Variants in EXOC2 observed in about 807,000 individuals in gnomAD.
The protein encoded by EXOC2 is SEC5-like 1.
In EXOC2, 70 loss-of-function variants were observed where a neutral mutation model predicts 131.8. The ratio of observed to expected loss-of-function variants is 0.53; its 90% confidence interval spans 0.44 to 0.65. The LOEUF is 0.65. EXOC2 is among the 30% of genes least tolerant of loss of function. The pLI, the probability that EXOC2 is intolerant of heterozygous loss-of-function variation, is 0.00. For synonymous variants in EXOC2, 411 were observed against 398.4 expected, an observed-to-expected ratio of 1.03 and a Z score of -0.38; for missense variants, 923 against 1,108.6, an observed-to-expected ratio of 0.83 and a Z score of 2.38.
chr6:563,119 C>T (rs1355546969), intron 16 of EXOC2, among the ~76,000 whole-genome samples: 1 of 152,222 alleles, frequency 6.6e-6, no homozygotes, highest in Non-Finnish European at 1.5e-5. Flanking sequence ...CAACTTGAGA[C>T]AATCATTTAT....
intron 1 of EXOC2, among the ~76,000 whole-genome samples, chr6:662,240 G>A (rs532219725): frequency 6.6e-6 from 1 of 152,124 alleles, no homozygotes; most frequent in Admixed American, 6.6e-5. Context: ...GCACTAGACT[G>A]GTCATCAAGA....
At chr6:627,807 T>A (rs1761656272) in intron 4 of EXOC2, among the ~76,000 whole-genome samples, 1 of 152,258 alleles carries the variant, frequency 6.6e-6, no homozygotes, top group African/African-American at 2.4e-5. Flanking sequence ...TTTTCAAAAA[T>A]TATCCTTTAA....
chr6:528,809 C>T (rs1765896895), intron 23 of EXOC2, among the ~76,000 whole-genome samples: 1 of 152,212 alleles, frequency 6.6e-6, no homozygotes, highest in African/African-American at 2.4e-5. Flanking sequence ...GATCCTAATT[C>T]ACAACCGAGG....
At chr6:687,678 C>T (rs1764725908) in intron 1 of EXOC2, among the ~76,000 whole-genome samples, 1 of 152,144 alleles carries the variant, frequency 6.6e-6, no homozygotes, top group South Asian at 2.1e-4. Flanking sequence ...CTTGCTATGT[C>T]CCAGGCATTA....
chr6:564,484 C>A, intron 15 of EXOC2, 61 bp downstream of exon 15: 1 of 1,599,598 alleles, frequency 6.3e-7, no homozygotes, highest in Non-Finnish European at 8.5e-7. Flanking sequence ...TGTATTAATT[C>A]TTTCCAAAAA....
intron 23 of EXOC2, among the ~76,000 whole-genome samples, chr6:501,136 ATC>A (rs1561785252): frequency 6.4e-4 from 9 of 13,976 alleles, no homozygotes; most frequent in Non-Finnish European, 1.2e-3. Context: ...TATTATATAT[ATC>A]TATATATATT....
intron 24 of EXOC2, among the ~76,000 whole-genome samples, chr6:498,104 A>T (rs1183580733): frequency 6.6e-6 from 1 of 152,356 alleles, no homozygotes; most frequent in Non-Finnish European, 1.5e-5. Context: ...AATGACAGTA[A>T]ATCATATTTT....
intron 2 of EXOC2, among the ~76,000 whole-genome samples, chr6:635,529 C>T (rs534056588): frequency 2.0e-5 from 3 of 152,152 alleles, no homozygotes; most frequent in East Asian, 1.9e-4. Context: ...TTCTTAAGCA[C>T]GTTTGCTAAG....
At chr6:686,057 G>T (rs1165938749) in intron 1 of EXOC2, among the ~76,000 whole-genome samples, 1 of 150,648 alleles carries the variant, frequency 6.6e-6, no homozygotes, top group Non-Finnish European at 1.5e-5. Context: ...CGACTCCTTG[G>T]TTCAAGCGAT....
In EXOC2 at chr6:690,572, G is replaced by A. The variant is rs139982492; in HGVS notation, c.-44+2447C>T. Among the ~76,000 whole-genome samples the A allele has an allele frequency of 3.3e-3, 501 of 151,542 alleles. 1 individual carries two copies. The highest frequency in any genetic ancestry group is 0.01 in the African/African-American group (432 of 41,316). On this transcript the variant is annotated intron_variant, in intron 1 of 27. Transcript: ENST00000230449. Reference sequence around the variant, plus strand: ...CAAAAAGTTAGTCGGGCGTGGTGACGGGCGCCTGTAGTCCCAGCTACTTGG... The same window carrying A: ...CAAAAAGTTAGTCGGGCGTGGTGACAGGCGCCTGTAGTCCCAGCTACTTGG...
chr6:486,053 G>C lies in EXOC2; in HGVS notation c.*618C>G, dbSNP rs375932538. On this transcript the variant is annotated 3_prime_UTR_variant, in exon 28 of 28. Transcript: ENST00000230449. Reference sequence around the variant, plus strand: ...TTAGCCCTGTGAAAAATAAAAATCAGATAGCAAAACGCAAAGTTAAATCAC... The same window carrying C: ...TTAGCCCTGTGAAAAATAAAAATCACATAGCAAAACGCAAAGTTAAATCAC... 2.0e-5 allele frequency: 3 copies of C among 152,174 alleles called. No homozygotes were observed. Among genetic ancestry groups the C allele is most frequent in the African/African-American group, 7.2e-5 (3 of 41,410 alleles). The allele number at this position is 152,174 out of a possible 1,614,324, so 9.4% of individuals were successfully genotyped here. A position where few individuals can be genotyped will look rare whatever the true frequency, so the allele number is the denominator to read the frequency against.
At chr6:538,640 CAATTT>C (rs1299877775) in intron 22 of EXOC2, among the ~76,000 whole-genome samples, 2 of 152,142 alleles carry the variant, frequency 1.3e-5, no homozygotes, top group East Asian at 3.8e-4. Flanking sequence ...AAAAAGATAA[CAATTT>C]AATTGTGTAC....
At chr6:573,007 C>T (rs914501043) in intron 12 of EXOC2, among the ~76,000 whole-genome samples, 4 of 152,186 alleles carry the variant, frequency 2.6e-5, no homozygotes, top group South Asian at 2.1e-4. Flanking sequence ...CAAAAAGTCC[C>T]GCCTTCTAAC....
chr6:608,476 G>C lies in EXOC2; in HGVS notation c.742+1622C>G, dbSNP rs144839812. On this transcript the variant is annotated intron_variant, in intron 7 of 27. Coordinates refer to ENST00000230449, the MANE Select transcript of EXOC2 (RefSeq NM_018303.6). ...AAGTCCTGACGAATGGTCTCATAAA[G>C]AAGTGACCATTTATATTAAGCTGAA... 7.6e-3 allele frequency among the ~76,000 whole-genome samples: 1,164 copies of C among 152,246 alleles called. 18 individuals are homozygous for C. The highest frequency in any genetic ancestry group is 0.027 in the African/African-American group (1,105 of 41,530).
At chr6:653,411 AATG>A (rs1256334545) in intron 1 of EXOC2, among the ~76,000 whole-genome samples, 1 of 151,298 alleles carries the variant, frequency 6.6e-6, no homozygotes, top group Non-Finnish European at 1.5e-5. Context: ...TGAACACACG[AATG>A]ATAACAAACT....
rs58892194 is a variant in EXOC2 at position 685,869 on chromosome 6, C to CTTTTTTTT, written c.-44+7142_-44+7149dup. Among the ~76,000 whole-genome samples the CTTTTTTTT allele has an allele frequency of 1.8e-3, 181 of 98,252 alleles. 6 individuals carry two copies. Among genetic ancestry groups the CTTTTTTTT allele is most frequent in the African/African-American group, 6.9e-3 (172 of 25,070 alleles). 64.5% of individuals were successfully genotyped at this position (98,252 alleles called of 152,430 possible). A position where few individuals can be genotyped will look rare whatever the true frequency, so the allele number is the denominator to read the frequency against. ...TAATGTATCCTGCTTTCCTGGACCTCTTTTTTTTTTTTTTTTTTTTTTTTG... is the reference window on the plus strand; with the variant it reads ...TAATGTATCCTGCTTTCCTGGACCTCTTTTTTTTTTTTTTTTTTTTTTTTTTTTTTTTG... On this transcript the variant is annotated intron_variant, in intron 1 of 27. Transcript: ENST00000230449.
chr6:497,276 GC>G, intron 25 of EXOC2, 90 bp downstream of exon 25: 1 of 1,180,312 alleles, frequency 8.5e-7, no homozygotes, highest in Non-Finnish European at 1.2e-6. Flanking sequence ...ATTAAAAGAA[GC>G]CTGTCATATC....
intron 22 of EXOC2, among the ~76,000 whole-genome samples, chr6:546,676 T>G: frequency 6.6e-6 from 1 of 152,248 alleles, no homozygotes; most frequent in East Asian, 1.9e-4. Context: ...TTCCACTTTA[T>G]GAATAGTGTT....
rs1763026153 is a variant in EXOC2 at position 486,061 on chromosome 6, A to C, written c.*610T>G. On this transcript the variant is annotated 3_prime_UTR_variant, in exon 28 of 28. Transcript: ENST00000230449. ...GTGAAAAATAAAAATCAGATAGCAA[A>C]ACGCAAAGTTAAATCACAGACACCT... 1 of 152,230 alleles carries C rather than the reference A, an allele frequency of 6.6e-6. No individual in the cohort carries two copies. The highest frequency in any genetic ancestry group is 2.4e-5 in the African/African-American group (1 of 41,452). 9.4% of individuals were successfully genotyped at this position (152,230 alleles called of 1,614,324 possible). A position where few individuals can be genotyped will look rare whatever the true frequency, so the allele number is the denominator to read the frequency against.
Sources: gnomAD v4.1 joint callset for allele counts (sites outside exome capture counted in the v4.1 genomes callset) on GRCh38, gnomAD v4.1.1 for gene constraint, MANE v1.5 for transcripts, NCBI Gene and HGNC (gene_info 2026-07-23, HGNC 2026-07-21) for gene names.